Variants in SEPTIN6 observed in about 807,000 individuals in gnomAD.
The protein encoded by SEPTIN6 is septin 6.
SEPTIN6 carries 8 observed loss-of-function variants against 33.6 expected under a neutral mutation model. That is an observed-to-expected ratio of 0.24 (90% confidence interval 0.14 to 0.43). SEPTIN6 has a LOEUF of 0.43. SEPTIN6 is among the 20% of genes least tolerant of loss of function. SEPTIN6 has a pLI of 1.00. For missense variants in SEPTIN6, 250 were observed against 340.8 expected (o/e 0.73, Z 2.10); for synonymous variants, 131 against 140.0 (o/e 0.94, Z 0.45).
At chrX:119,627,396 AG>A (rs1447409512) in intron 9 of SEPTIN6, among the ~76,000 whole-genome samples, 12 of 110,718 alleles carry the variant, frequency 1.1e-4, no homozygotes, top group African/African-American at 3.6e-4. Context: ...GGGTTGGGTG[AG>A]GATTATTGAC....
intron 10 of SEPTIN6, among the ~76,000 whole-genome samples, chrX:119,620,547 C>T (rs771652526): frequency 8.7e-4 from 96 of 110,309 alleles, no homozygotes; most frequent in African/African-American, 3.1e-3. Context: ...TCTCGATCTC[C>T]TGACCTCATG....
rs61327892 is a variant in SEPTIN6, at chrX:119,690,338, TACATAC to T, written c.30+2732_30+2737del. 9.5e-4 allele frequency among the ~76,000 whole-genome samples: 64 copies of T among 67,354 alleles called. No individual in the cohort carries two copies. In the East Asian group the frequency reaches 0.026, roughly 28 times the overall value. The allele number at this position is 67,354 out of a possible 115,157, so 58.5% of individuals were successfully genotyped here. On this transcript the variant is annotated intron_variant, in intron 1 of 10. Coordinates refer to ENST00000394610, the MANE Select transcript of SEPTIN6 (RefSeq NM_145799.4). The stretch of plus-strand genomic sequence containing the variant: ...TTCTAGAAAGAACACACCCCCCACA[TACATAC>T]ACATACACACACACACACACACACA...
At chrX:119,662,715 G>A (rs2054570236) in intron 3 of SEPTIN6, among the ~76,000 whole-genome samples, 1 of 112,410 alleles carries the variant, frequency 8.9e-6, no homozygotes, top group South Asian at 3.7e-4. Flanking sequence ...AAGACTCTCT[G>A]AGGAAAATAA....
chrX:119,666,096 G>A (rs1289246102), intron 2 of SEPTIN6, among the ~76,000 whole-genome samples: 1 of 101,255 alleles, frequency 9.9e-6, no homozygotes, highest in African/African-American at 3.7e-5. Context: ...AAAAAAAAAA[G>A]AGTCAGTAGA....
chrX:119,641,084 A>G lies in SEPTIN6; in HGVS notation c.691-296T>C, dbSNP rs190844802. ...AAGCAGACACACAGATTACCAAACT[A>G]TTCGCTATTCATAGTTACTGCTGAG... On this transcript the variant is annotated intron_variant, in intron 5 of 10. Transcript: ENST00000394610. Among the ~76,000 whole-genome samples the G allele has an allele frequency of 1.1e-3, 120 of 112,421 alleles. 1 individual carries two copies. The highest frequency in any genetic ancestry group is 3.8e-3 in the African/African-American group (117 of 30,958).
At chrX:119,690,338 TACATACACATACAC>T (rs1244310592) in intron 1 of SEPTIN6, among the ~76,000 whole-genome samples, 10,842 of 67,215 alleles carry the variant, frequency 0.16, 1,471 homozygotes, top group African/African-American at 0.44. Context: ...ACCCCCCACA[TACATACACATACAC>T]ACACACACAC....
At chrX:119,669,601 T>C (rs1354693641) in intron 2 of SEPTIN6, among the ~76,000 whole-genome samples, 2 of 112,057 alleles carry the variant, frequency 1.8e-5, no homozygotes, top group Admixed American at 1.9e-4. Flanking sequence ...CAAGCCCACG[T>C]GCAGTGATGT....
chrX:119,678,171 C>G (rs1034597893), intron 1 of SEPTIN6, among the ~76,000 whole-genome samples: 4 of 110,426 alleles, frequency 3.6e-5, no homozygotes, highest in Non-Finnish European at 7.6e-5. Flanking sequence ...CCCAGGAGGT[C>G]GAGGCTGCAG....
rs991784427 is a variant in SEPTIN6, at chrX:119,653,164, A to G, written c.342-124T>C. ...CTCTCCCATCCAACTGCATTTCTCC[A>G]TCTCCCTTCAGTGGGCCTCCAATCT... On this transcript the variant is annotated intron_variant, in intron 3 of 10. Transcript: ENST00000394610. 9.5e-5 allele frequency: 53 copies of G among 559,567 alleles called. No individual in the cohort carries two copies. The Middle Eastern group carries it at 1.6e-3, about 17-fold the overall frequency. 46.1% of individuals were successfully genotyped at this position (559,567 alleles called of 1,213,427 possible). A position where few individuals can be genotyped will look rare whatever the true frequency, so the allele number is the denominator to read the frequency against.
chrX:119,682,335 A>G (rs2054975016), intron 1 of SEPTIN6, among the ~76,000 whole-genome samples: 1 of 111,711 alleles, frequency 9.0e-6, no homozygotes, highest in Non-Finnish European at 1.9e-5. Context: ...TAATATAAGA[A>G]AGAAGAGTTC....
intron 7 of SEPTIN6, among the ~76,000 whole-genome samples, chrX:119,636,821 C>T (rs1016768181): frequency 5.4e-5 from 6 of 111,089 alleles, no homozygotes; most frequent in African/African-American, 1.6e-4. Context: ...ACTTCCCAAG[C>T]CTGCTCCCCA....
intron 1 of SEPTIN6, among the ~76,000 whole-genome samples, chrX:119,680,252 T>C (rs1230505642): frequency 1.8e-5 from 2 of 108,633 alleles, no homozygotes; most frequent in Admixed American, 2.0e-4. Context: ...AGAGATGGAG[T>C]TTCTCTCTTG....
chrX:119,665,125 A>G (rs1238153657), intron 2 of SEPTIN6, among the ~76,000 whole-genome samples: 4 of 96,534 alleles, frequency 4.1e-5, no homozygotes, highest in African/African-American at 8.3e-5. Flanking sequence ...TTTTTTTGAT[A>G]CAGCGTCTCG....
intron 5 of SEPTIN6, among the ~76,000 whole-genome samples, chrX:119,647,316 T>A (rs1258173751): frequency 9.2e-6 from 1 of 108,337 alleles, no homozygotes; most frequent in Non-Finnish European, 1.9e-5. Context: ...CCACTGGAAT[T>A]CCCTGCTCCT....
chrX:119,640,168 CTTTTTTTT>C (rs57021804), intron 6 of SEPTIN6, among the ~76,000 whole-genome samples: 2 of 20,180 alleles, frequency 9.9e-5, no homozygotes, highest in African/African-American at 2.4e-4. Flanking sequence ...ACTATCCAGT[CTTTTTTTT>C]TTTTTTTTTT....
Position 119,652,878 on chromosome X carries a change from C to T in SEPTIN6, c.504G>A (p.Val168=), listed in dbSNP as rs774606542. 4.1e-6 allele frequency: 5 copies of T among 1,208,290 alleles called. No individual in the cohort carries two copies. The African/African-American group carries it at 5.3e-5, about 13-fold the overall frequency. ...TGHSLKSLDL[V]TMKKLDSKVN... is the part of the protein sequence containing the mutation. ...CCTTACTGTCCAGCTTCTTCATAGT[C>T]ACTAGGTCCAGAGACTTCAGGGAAT... The change falls in exon 4 of 11, where the codon GTG becomes GTA. Residue 168 remains valine, a synonymous_variant. Transcript: ENST00000394610.
At chrX:119,627,212 C>T (rs1383049458) in intron 9 of SEPTIN6, among the ~76,000 whole-genome samples, 1 of 110,924 alleles carries the variant, frequency 9.0e-6, no homozygotes, top group Non-Finnish European at 1.9e-5. Context: ...CTTTTGGATC[C>T]TCAGTACCCT....
Position 119,629,383 on chromosome X carries a change from C to T in SEPTIN6, c.1215G>A (p.Leu405=), listed in dbSNP as rs1168949141. Residue 405 remains leucine (L), a synonymous_variant, in exon 9 of 11, where the codon CTG becomes CTA. Coordinates refer to ENST00000394610, the MANE Select transcript of SEPTIN6 (RefSeq NM_145799.4). The part of the protein sequence containing the change: ...AFKQRKTAAE[L]LQSQGSQAGG... Reference sequence around the variant, plus strand: ...CAGCCTGGGAGCCCTGGGACTGGAGCAGCTCAGCCGCCGTCTTTCTTTGCT... The same window carrying T: ...CAGCCTGGGAGCCCTGGGACTGGAGTAGCTCAGCCGCCGTCTTTCTTTGCT... The T allele has an allele frequency of 8.3e-7, 1 of 1,210,054 alleles. No homozygotes were observed. Among genetic ancestry groups the T allele is most frequent in the Non-Finnish European group, 1.1e-6 (1 of 895,175 alleles).
chrX:119,635,008 CAAA>C (rs56090830), intron 7 of SEPTIN6: 1,720 of 142,789 alleles, frequency 0.012, no homozygotes, highest in East Asian at 0.015. Flanking sequence ...GACTCTGTCT[CAAA>C]AAAAAAAAAA....
Sources: gnomAD v4.1 joint callset for allele counts (sites outside exome capture counted in the v4.1 genomes callset) on GRCh38, gnomAD v4.1.1 for gene constraint, MANE v1.5 for transcripts, NCBI Gene and HGNC (gene_info 2026-07-23, HGNC 2026-07-21) for gene names.